The following AGMO variants were observed in gnomAD, a reference collection of about 807,000 sequenced individuals.
AGMO encodes alkylglycerol monooxygenase.
A neutral mutation model predicts 60.2 loss-of-function variants in AGMO; 75 were observed. That is an observed-to-expected ratio of 1.25 (90% CI 1.03 to 1.51). The LOEUF is 1.51. Ranked by LOEUF, AGMO falls within the 40% of genes most tolerant of loss-of-function variation. The pLI is 0.00. For synonymous variants in AGMO, 261 were observed against 177.1 expected, an observed-to-expected ratio of 1.47 and a Z score of -3.76; for missense variants, 763 against 525.5, an observed-to-expected ratio of 1.45 and a Z score of -4.42.
intron 3 of AGMO, among the ~76,000 whole-genome samples, chr7:15,434,937 T>A (rs543010913): frequency 3.5e-4 from 53 of 151,666 alleles, no homozygotes; most frequent in Admixed American, 1.1e-3. Context: ...TTTGAGTGTA[T>A]CCTATCAATA....
the AGMO span, among the ~76,000 whole-genome samples, chr7:15,134,513 C>T: frequency 6.6e-6 from 1 of 152,164 alleles, no homozygotes; most frequent in Admixed American, 6.5e-5. Context: ...CCCATGTGCA[C>T]CCAAAGTTTA....
At chr7:15,508,416 G>C (rs748080102) in intron 3 of AGMO, among the ~76,000 whole-genome samples, 1 of 152,098 alleles carries the variant, frequency 6.6e-6, no homozygotes, top group Non-Finnish European at 1.5e-5. Context: ...ATAGTGGGTT[G>C]TTTGTTTTCA....
chr7:15,351,823 T>G (rs1782253929), intron 12 of AGMO, among the ~76,000 whole-genome samples: 1 of 152,214 alleles, frequency 6.6e-6, no homozygotes, highest in Non-Finnish European at 1.5e-5. Flanking sequence ...TGCAAATTAT[T>G]TTTAAATCTG....
chr7:15,186,008 T>C, the AGMO span, among the ~76,000 whole-genome samples: 12 of 152,194 alleles, frequency 7.9e-5, no homozygotes, highest in East Asian at 5.8e-4. Flanking sequence ...TAGTTACAAG[T>C]GCTGTAGACT....
chr7:15,493,600 C>T (rs1479739123), intron 3 of AGMO, among the ~76,000 whole-genome samples: 2 of 151,772 alleles, frequency 1.3e-5, no homozygotes, highest in Non-Finnish European at 2.9e-5. Context: ...TGGTCTCGAT[C>T]TCCTGACCTC....
intron 10 of AGMO, among the ~76,000 whole-genome samples, chr7:15,381,952 G>GT (rs1562473844): frequency 6.6e-6 from 1 of 152,014 alleles, no homozygotes; most frequent in East Asian, 1.9e-4. Flanking sequence ...GTTCTCACTT[G>GT]TAAGTGGGAG....
At chr7:15,336,137 CAAAAT>C (rs1303928248) in intron 12 of AGMO, among the ~76,000 whole-genome samples, 1 of 152,048 alleles carries the variant, frequency 6.6e-6, no homozygotes, top group Non-Finnish European at 1.5e-5. Context: ...CACCTGCAAA[CAAAAT>C]AACACATACT....
intron 3 of AGMO, among the ~76,000 whole-genome samples, chr7:15,506,694 T>C (rs1337485879): frequency 1.3e-5 from 2 of 152,006 alleles, no homozygotes; most frequent in Non-Finnish European, 2.9e-5. Context: ...CCAATACCAC[T>C]GTAGATGCAG....
intron 12 of AGMO, among the ~76,000 whole-genome samples, chr7:15,219,103 T>C (rs903253542): frequency 1.3e-5 from 2 of 152,226 alleles, no homozygotes; most frequent in Non-Finnish European, 1.5e-5. Flanking sequence ...GCACTAATTA[T>C]CTACACAATG....
chr7:15,444,151 AT>A (rs140414168), intron 3 of AGMO, among the ~76,000 whole-genome samples: 4 of 152,204 alleles, frequency 2.6e-5, no homozygotes, highest in South Asian at 2.1e-4. Flanking sequence ...TATCGAATAT[AT>A]TTTTTTAATT....
intron 3 of AGMO, among the ~76,000 whole-genome samples, chr7:15,434,297 G>A (rs193031457): frequency 7.5e-4 from 114 of 152,220 alleles, no homozygotes; most frequent in African/African-American, 2.7e-3. Context: ...TAGAATGGCC[G>A]CCATTGATTC....
At chr7:15,456,254 T>C (rs1025005374) in intron 3 of AGMO, among the ~76,000 whole-genome samples, 7 of 152,168 alleles carry the variant, frequency 4.6e-5, no homozygotes, top group African/African-American at 1.4e-4. Flanking sequence ...ATAAATACAA[T>C]ACTACTCTAA....
intron 12 of AGMO, among the ~76,000 whole-genome samples, chr7:15,291,405 T>C (rs1032842928): frequency 1.3e-5 from 2 of 152,234 alleles, no homozygotes; most frequent in East Asian, 3.8e-4. Flanking sequence ...TCTTCAGCTC[T>C]ATTGTATTTC....
At chr7:15,295,685 A>G (rs986246270) in intron 12 of AGMO, among the ~76,000 whole-genome samples, 5 of 152,128 alleles carry the variant, frequency 3.3e-5, no homozygotes, top group Non-Finnish European at 7.4e-5. Flanking sequence ...TAATGCTATA[A>G]TTCTTTCCAA....
At chr7:15,550,234 C>G (rs1179738850) in intron 2 of AGMO, among the ~76,000 whole-genome samples, 5 of 150,680 alleles carry the variant, frequency 3.3e-5, no homozygotes, top group South Asian at 2.1e-4. Context: ...AAAATTGACA[C>G]CCTAACATCA....
intron 12 of AGMO, among the ~76,000 whole-genome samples, chr7:15,278,553 CA>C (rs1438175384): frequency 2.0e-5 from 3 of 152,022 alleles, no homozygotes; most frequent in Non-Finnish European, 4.4e-5. Flanking sequence ...TGAGGGCAGG[CA>C]GAACTCTCGG....
At chr7:15,228,402 G>A in intron 12 of AGMO, among the ~76,000 whole-genome samples, 1 of 152,110 alleles carries the variant, frequency 6.6e-6, no homozygotes, top group East Asian at 1.9e-4. Flanking sequence ...GAGCTTAAAG[G>A]AGCTTGAAGG....
chr7:15,490,102 A>T (rs1338477116), intron 3 of AGMO, among the ~76,000 whole-genome samples: 1 of 152,222 alleles, frequency 6.6e-6, no homozygotes, highest in East Asian at 1.9e-4. Context: ...TAGAAGTCTT[A>T]AACAAACAAT....
At chr7:15,242,881 T>C (rs765863302) in intron 12 of AGMO, among the ~76,000 whole-genome samples, 21 of 152,148 alleles carry the variant, frequency 1.4e-4, no homozygotes, top group Non-Finnish European at 2.6e-4. Context: ...ATAAATGACA[T>C]TAAGTGTATA....
Sources: allele counts gnomAD v4.1 joint callset (sites outside exome capture counted in the v4.1 genomes callset), GRCh38; gene constraint gnomAD v4.1.1; transcripts MANE v1.5; gene names NCBI Gene and HGNC (gene_info 2026-07-23, HGNC 2026-07-21).